The following ADK variants were observed in gnomAD, a reference collection of about 807,000 sequenced individuals.
ADK encodes the protein adenosine kinase, also known as N6,N6-dimethyladenosine kinase.
ADK carries 24 observed loss-of-function variants against 44.7 expected under a neutral mutation model. The ratio of observed to expected loss-of-function variants is 0.54; its 90% CI spans 0.39 to 0.76. ADK has a LOEUF of 0.76. Among genes scored for constraint, ADK ranks in the 30% least tolerant of loss-of-function variants. ADK has a pLI of 0.00. For synonymous variants in ADK, 128 were observed against 142.6 expected (o/e 0.90, Z 0.73); for missense variants, 321 against 425.1 (o/e 0.76, Z 2.15).
chr10:74,561,039 A>G (rs1320567171), intron 7 of ADK, among the ~76,000 whole-genome samples: 2 of 152,216 alleles, frequency 1.3e-5, no homozygotes, highest in Non-Finnish European at 2.9e-5. Flanking sequence ...CAGAACAACA[A>G]AATTGTCAGT....
intron 9 of ADK, among the ~76,000 whole-genome samples, chr10:74,619,314 G>A (rs778698680): frequency 2.6e-5 from 4 of 152,044 alleles, no homozygotes; most frequent in Admixed American, 6.5e-5. Flanking sequence ...AATTACCTGG[G>A]CATGGTGGCA....
intron 6 of ADK, among the ~76,000 whole-genome samples, chr10:74,504,057 A>AAAAACAC (rs1421123522): frequency 6.6e-6 from 1 of 152,320 alleles, no homozygotes; most frequent in East Asian, 1.9e-4. Flanking sequence ...AAAAAGACTT[A>AAAAACAC]TCTCAAGGTG....
At chr10:74,643,280 A>G (rs1853937834) in intron 9 of ADK, among the ~76,000 whole-genome samples, 1 of 152,222 alleles carries the variant, frequency 6.6e-6, no homozygotes, top group Admixed American at 6.5e-5. Context: ...AAATTGTTAG[A>G]AACTTTTTCC....
intron 5 of ADK, among the ~76,000 whole-genome samples, chr10:74,395,305 T>G (rs1489743886): frequency 1.3e-5 from 2 of 152,146 alleles, no homozygotes; most frequent in Non-Finnish European, 2.9e-5. Context: ...ATTTACCCAC[T>G]TTATTGCTCA....
chr10:74,577,691 C>G (rs1851243902), intron 7 of ADK, among the ~76,000 whole-genome samples: 1 of 151,880 alleles, frequency 6.6e-6, no homozygotes, highest in African/African-American at 2.4e-5. Flanking sequence ...TTATCCAGTA[C>G]TATTTTAGAC....
chr10:74,339,995 A>G (rs1260247427), intron 4 of ADK, among the ~76,000 whole-genome samples: 2 of 152,178 alleles, frequency 1.3e-5, no homozygotes, highest in Admixed American at 6.5e-5. Flanking sequence ...GGCCAAAAGT[A>G]GTCTTGTTTG....
chr10:74,184,327 T>A (rs1459343680), intron 1 of ADK, among the ~76,000 whole-genome samples: 6 of 152,116 alleles, frequency 3.9e-5, no homozygotes, highest in African/African-American at 1.2e-4. Flanking sequence ...CATTATTATT[T>A]ATTATTATTT....
At chr10:74,308,842 A>G (rs1840341049) in intron 3 of ADK, among the ~76,000 whole-genome samples, 2 of 151,570 alleles carry the variant, frequency 1.3e-5, no homozygotes, top group South Asian at 4.2e-4. Flanking sequence ...GCGCACACAC[A>G]CTCTCATATG....
intron 2 of ADK, among the ~76,000 whole-genome samples, chr10:74,207,468 T>C (rs1477952231): frequency 6.6e-6 from 1 of 151,990 alleles, no homozygotes; most frequent in Non-Finnish European, 1.5e-5. Flanking sequence ...AACTGGAGGG[T>C]GAGCAAGGTG....
At chr10:74,551,015 A>AT (rs1850018356) in intron 7 of ADK, among the ~76,000 whole-genome samples, 1 of 152,104 alleles carries the variant, frequency 6.6e-6, no homozygotes, top group African/African-American at 2.4e-5. Flanking sequence ...GCTCTGAACT[A>AT]TTTTTTAAGT....
At chr10:74,640,283 A>G (rs961675713) in intron 9 of ADK, among the ~76,000 whole-genome samples, 1 of 152,192 alleles carries the variant, frequency 6.6e-6, no homozygotes, top group East Asian at 1.9e-4. Flanking sequence ...AGCTGAGGGT[A>G]CTGGTGCACT....
intron 7 of ADK, among the ~76,000 whole-genome samples, chr10:74,568,482 G>C (rs1490673000): frequency 1.3e-5 from 2 of 152,102 alleles, no homozygotes; most frequent in Admixed American, 1.3e-4. Flanking sequence ...CAGAACCCAA[G>C]AGAAAGTTCT....
chr10:74,610,344 T>C (rs1196012899), intron 9 of ADK, among the ~76,000 whole-genome samples: 1 of 152,162 alleles, frequency 6.6e-6, no homozygotes, highest in Non-Finnish European at 1.5e-5. Context: ...TGTGATTCCA[T>C]TTATGTGACA....
intron 9 of ADK, among the ~76,000 whole-genome samples, chr10:74,631,006 A>G (rs1853397147): frequency 6.6e-6 from 1 of 151,964 alleles, no homozygotes; most frequent in Admixed American, 6.6e-5. Flanking sequence ...ATTGTCGTAG[A>G]TTTGACCATT....
rs78409602 is a variant in ADK, at chr10:74,460,074, G to A, written c.555+61495G>A. ...GAAAGTGATTTGGGTTTGGAAGCTTGTTTCTGTCTCTGGCTATCCAACTGT... is the reference window on the plus strand; with the variant it reads ...GAAAGTGATTTGGGTTTGGAAGCTTATTTCTGTCTCTGGCTATCCAACTGT... On this transcript the variant is annotated intron_variant, in intron 6 of 10. Transcript: ENST00000539909. 1.6e-3 allele frequency among the ~76,000 whole-genome samples: 249 copies of A among 152,218 alleles called. 9 individuals carry two copies. In the East Asian group the frequency reaches 0.019, roughly 12 times the overall value.
intron 10 of ADK, among the ~76,000 whole-genome samples, chr10:74,692,380 G>A (rs992282185): frequency 3.9e-5 from 6 of 152,194 alleles, no homozygotes; most frequent in Non-Finnish European, 5.9e-5. Flanking sequence ...TTGGGAGACT[G>A]AGGCAGGAGA....
intron 10 of ADK, among the ~76,000 whole-genome samples, chr10:74,687,897 C>T (rs979939552): frequency 6.6e-6 from 1 of 152,110 alleles, no homozygotes; most frequent in African/African-American, 2.4e-5. Context: ...AACTTTATTC[C>T]ATTTTCTGTA....
intron 6 of ADK, among the ~76,000 whole-genome samples, chr10:74,445,143 A>C (rs1042693280): frequency 1.3e-5 from 2 of 151,948 alleles, no homozygotes; most frequent in Non-Finnish European, 2.9e-5. Flanking sequence ...TTTCTTACCA[A>C]AAAAAATTTT....
At chr10:74,502,508 A>G (rs1847917592) in intron 6 of ADK, among the ~76,000 whole-genome samples, 1 of 152,156 alleles carries the variant, frequency 6.6e-6, no homozygotes, top group Non-Finnish European at 1.5e-5. Context: ...GCAACCTTCT[A>G]TGATTGCAAT....
Sources: allele counts gnomAD v4.1 joint callset (sites outside exome capture counted in the v4.1 genomes callset), GRCh38; gene constraint gnomAD v4.1.1; transcripts MANE v1.5; gene names NCBI Gene and HGNC (gene_info 2026-07-23, HGNC 2026-07-21).